Variants in CDH2 observed in about 807,000 individuals in gnomAD.
CDH2 encodes cadherin-2.
Under a neutral mutation model 92.0 loss-of-function variants are expected in CDH2, and 17 were observed. The ratio of observed to expected loss-of-function variants is 0.18; its 90% CI spans 0.13 to 0.28. CDH2 has a LOEUF of 0.28. Among genes scored for constraint, CDH2 ranks in the 10% least tolerant of loss-of-function variants. The pLI is 1.00. For missense variants in CDH2, 862 were observed against 1,133.1 expected, an observed-to-expected ratio of 0.76 and a Z score of 3.44; for synonymous variants, 419 against 415.9, an observed-to-expected ratio of 1.01 and a Z score of -0.09.
In CDH2 at chr18:28,044,020, C is replaced by A. The variant is rs1243895192; in HGVS notation, c.173-30111G>T. Among the ~76,000 whole-genome samples the A allele has an allele frequency of 4.7e-5, 7 of 148,844 alleles. No individual in the cohort carries two copies. The Admixed American group carries it at 4.8e-4, about 10-fold the overall frequency. ...CTCTGCCTCCCGGGTTCAAGCGATT[C>A]TCCTGCCTCAGCCTCCTGAGTAGCT... On this transcript the variant is annotated intron_variant, in intron 2 of 15. Transcript: ENST00000269141.
chr18:28,069,621 A>G (rs1416493947), intron 2 of CDH2, among the ~76,000 whole-genome samples: 1 of 152,138 alleles, frequency 6.6e-6, no homozygotes, highest in Non-Finnish European at 1.5e-5. Flanking sequence ...TATCTCATCT[A>G]TATATTATCA....
At chr18:28,126,173 G>A (rs924381778) in intron 2 of CDH2, among the ~76,000 whole-genome samples, 21 of 152,070 alleles carry the variant, frequency 1.4e-4, no homozygotes, top group Admixed American at 4.6e-4. Flanking sequence ...CTATCATTAT[G>A]AGAAAAATGA....
intron 2 of CDH2, among the ~76,000 whole-genome samples, chr18:28,101,181 T>A: frequency 6.6e-6 from 1 of 152,188 alleles, no homozygotes; most frequent in East Asian, 1.9e-4. Context: ...ATGGCTTAAA[T>A]AACTTTCTAG....
chr18:27,969,966 C>T (rs2011617442), intron 14 of CDH2, among the ~76,000 whole-genome samples: 1 of 152,154 alleles, frequency 6.6e-6, no homozygotes. Context: ...TGCCATTGCA[C>T]TCCAGCCTGG....
chr18:28,045,295 T>C (rs577078803), intron 2 of CDH2: 1 of 399,156 alleles, frequency 2.5e-6, no homozygotes, highest in Non-Finnish European at 5.0e-6. Context: ...TTTGTCCTTG[T>C]TGTACTCACC....
At position 27,985,172 on chromosome 18, in the gene CDH2, G is replaced by A; in HGVS notation, c.2037C>T (p.Pro679=). The A allele has an allele frequency of 6.2e-7, 1 of 1,613,602 alleles. No individual in the cohort carries two copies. Residue 679 remains proline, a synonymous_variant, in exon 13 of 16, where the codon CCC becomes CCT. Transcript: ENST00000269141. ...KFLEAGIYEV[P]IIITDSGNPP... Reference sequence around the variant, plus strand: ...GATTACCCGAATCTGTGATTATGATGGGAACTTCATAGATACCAGCTTCAA... The same window carrying A: ...GATTACCCGAATCTGTGATTATGATAGGAACTTCATAGATACCAGCTTCAA...
intron 2 of CDH2, among the ~76,000 whole-genome samples, chr18:28,138,255 C>T (rs888564667): frequency 1.3e-5 from 2 of 151,968 alleles, no homozygotes; most frequent in African/African-American, 4.8e-5. Context: ...AAAGGTCTAA[C>T]ATTTATGTTC....
intron 6 of CDH2, among the ~76,000 whole-genome samples, chr18:27,939,652 G>A (rs1909091592): frequency 6.6e-6 from 1 of 152,008 alleles, no homozygotes; most frequent in Non-Finnish European, 1.5e-5. Flanking sequence ...GGACTTCTTT[G>A]TCTAGTCATT....
Position 27,990,188 on chromosome 18 carries a change from T to C in CDH2, c.1507A>G (p.Ile503Val). The C allele has an allele frequency of 6.2e-7, 1 of 1,614,112 alleles. No individual in the cohort carries two copies. Among genetic ancestry groups the C allele is most frequent in the African/African-American group, 1.3e-5 (1 of 75,044 alleles). ...ENPYFAPNPK[I>V]IRQEEGLHAG... ...TGAAGCCCTTCTTCTTGGCGAATGA[T>C]CTTAGGATTGGGGGCAAAATAAGGG... is the stretch of plus-strand genomic sequence containing the variant. The change falls in exon 10 of 16, where the codon ATC becomes GTC. Residue 503 changes from isoleucine (I) to valine (V), a missense_variant. Ile to Val is a conservative substitution (Grantham distance 29). This residue lies in a region of CDH2 where 564 missense variants were observed against 722.2 expected (regional missense o/e 0.78). Transcript: ENST00000269141.
intron 2 of CDH2, among the ~76,000 whole-genome samples, chr18:28,144,662 G>C (rs2016007580): frequency 6.6e-6 from 1 of 152,062 alleles, no homozygotes; most frequent in Non-Finnish European, 1.5e-5. Flanking sequence ...TTCAAAAATA[G>C]AGGCACAGTT....
intron 2 of CDH2, among the ~76,000 whole-genome samples, chr18:28,098,789 A>G (rs2015179390): frequency 6.6e-6 from 1 of 152,148 alleles, no homozygotes. Context: ...CTACTTGTTC[A>G]TTCTCAGGTG....
chr18:28,034,196 G>A (rs2013769103), intron 2 of CDH2, among the ~76,000 whole-genome samples: 1 of 151,880 alleles, frequency 6.6e-6, no homozygotes. Flanking sequence ...GTAATATGAG[G>A]GACTCTCACT....
intron 9 of CDH2, among the ~76,000 whole-genome samples, chr18:27,991,958 T>A (rs2012430269): frequency 6.6e-6 from 1 of 152,234 alleles, no homozygotes; most frequent in African/African-American, 2.4e-5. Context: ...AGCTACGCAT[T>A]TATTATTCTT....
intron 2 of CDH2, among the ~76,000 whole-genome samples, chr18:28,107,014 G>A (rs2015333241): frequency 6.6e-6 from 1 of 152,004 alleles, no homozygotes; most frequent in Non-Finnish European, 1.5e-5. Context: ...GAGATGATGA[G>A]AAACTTGAAA....
intron 14 of CDH2, among the ~76,000 whole-genome samples, chr18:27,971,380 A>G (rs770989752): frequency 2.0e-5 from 3 of 151,720 alleles, no homozygotes; most frequent in African/African-American, 7.3e-5. Flanking sequence ...TATTAGTAGA[A>G]TATCAATAAC....
chr18:27,959,570 TA>T (rs1322254468), intron 15 of CDH2: 6 of 152,208 alleles, frequency 3.9e-5, no homozygotes, highest in African/African-American at 1.2e-4. Context: ...GTCTGTCCAG[TA>T]AATGAAGACA....
chr18:28,024,086 G>A (rs1414406732), intron 2 of CDH2, among the ~76,000 whole-genome samples: 1 of 152,118 alleles, frequency 6.6e-6, no homozygotes, highest in Non-Finnish European at 1.5e-5. Flanking sequence ...TTGTGTAAGA[G>A]AATTCAAAAC....
At chr18:28,127,296 G>A (rs1056379014) in intron 2 of CDH2, among the ~76,000 whole-genome samples, 9 of 152,304 alleles carry the variant, frequency 5.9e-5, no homozygotes, top group Admixed American at 3.3e-4. Context: ...AGTTCCCACA[G>A]GAGCAGTTAC....
At position 27,997,733 on chromosome 18, in the gene CDH2, T is replaced by C. The variant is rs76116943; in HGVS notation, c.1021-4096A>G. On this transcript the variant is annotated intron_variant, in intron 7 of 15. Transcript: ENST00000269141. ...GATGACAGATTTGCCTCTAGATAAA[T>C]TGGGTTGGGGACAGAGAGTTGAATA... Among the ~76,000 whole-genome samples, 1,451 of 152,124 alleles carry C rather than the reference T, an allele frequency of 9.5e-3. 30 individuals carry two copies. The highest frequency in any genetic ancestry group is 0.033 in the African/African-American group (1,383 of 41,500).
Sources: allele counts gnomAD v4.1 joint callset (sites outside exome capture counted in the v4.1 genomes callset), GRCh38; gene constraint gnomAD v4.1.1; regional missense constraint gnomAD v4.1.1; transcripts MANE v1.5; gene names NCBI Gene and HGNC (gene_info 2026-07-23, HGNC 2026-07-21).